Variants in NCOA2 observed in about 807,000 individuals in gnomAD.
The protein encoded by NCOA2 is class E basic helix-loop-helix protein 75.
In NCOA2, 21 loss-of-function variants were observed where a neutral mutation model predicts 145.1. The observed-to-expected ratio is 0.14, with a 90% CI of 0.10 to 0.21. The LOEUF (loss-of-function observed/expected upper bound fraction) is 0.21. Ranked by LOEUF, NCOA2 falls within the 10% of genes least tolerant of loss-of-function variation. The probability of loss-of-function intolerance (pLI) is 1.00; values close to 1 mark genes in which losing one functional copy is unlikely to be tolerated. For missense variants in NCOA2, 1,472 were observed against 1,837.6 expected (o/e 0.80, Z 3.64); for synonymous variants, 619 against 637.5 (o/e 0.97, Z 0.44).
At chr8:70,353,071 C>A (rs1412669005) in intron 1 of NCOA2, among the ~76,000 whole-genome samples, 2 of 151,858 alleles carry the variant, frequency 1.3e-5, no homozygotes, top group African/African-American at 4.8e-5. Context: ...GTTGTTAGAG[C>A]CAAACTATTA....
intron 1 of NCOA2, among the ~76,000 whole-genome samples, chr8:70,299,098 G>T (rs146983516): frequency 6.6e-6 from 1 of 152,050 alleles, no homozygotes; most frequent in African/African-American, 2.4e-5. Flanking sequence ...AAACCAGAAA[G>T]ATGTTTAGGA....
chr8:70,321,502 G>A (rs1685690098), intron 1 of NCOA2, among the ~76,000 whole-genome samples: 1 of 151,950 alleles, frequency 6.6e-6, no homozygotes, highest in African/African-American at 2.4e-5. Flanking sequence ...CCATAAGTAT[G>A]TAATTACAAA....
intron 12 of NCOA2, among the ~76,000 whole-genome samples, chr8:70,148,011 A>T (rs1811295954): frequency 1.3e-5 from 2 of 152,184 alleles, no homozygotes; most frequent in African/African-American, 2.4e-5. Context: ...GAAATATGAC[A>T]ATCAGTTGAA....
At chr8:70,159,244 T>TATATATATATATATATGTGTATATATA in intron 10 of NCOA2, among the ~76,000 whole-genome samples, 3 of 69,304 alleles carry the variant, frequency 4.3e-5, no homozygotes, top group Non-Finnish European at 8.7e-5. Context: ...ATATATATAT[T>TATATATATATATATATGTGTATATATA]TTTTTTTTTT....
intron 4 of NCOA2, among the ~76,000 whole-genome samples, chr8:70,195,208 G>C (rs1370908427): frequency 6.6e-6 from 1 of 152,224 alleles, no homozygotes. Flanking sequence ...ATATGTGACA[G>C]ACTTTGCTAG....
At chr8:70,317,136 T>C (rs968993886) in intron 1 of NCOA2, among the ~76,000 whole-genome samples, 5 of 152,204 alleles carry the variant, frequency 3.3e-5, no homozygotes, top group African/African-American at 1.2e-4. Context: ...TGAGTGGCTA[T>C]GATTGCAGAG....
At chr8:70,444,787 T>C in the NCOA2 span, among the ~76,000 whole-genome samples, 4 of 152,222 alleles carry the variant, frequency 2.6e-5, no homozygotes, top group African/African-American at 9.6e-5. Flanking sequence ...TTGAAAGCTT[T>C]CTTTGTGTGT....
At chr8:70,133,750 C>T (rs1344560069) in intron 15 of NCOA2, among the ~76,000 whole-genome samples, 2 of 152,216 alleles carry the variant, frequency 1.3e-5, no homozygotes, top group African/African-American at 4.8e-5. Context: ...TACCTATGAA[C>T]ACAGTTCAAT....
chr8:70,374,239 A>C (rs1387872007), intron 1 of NCOA2, among the ~76,000 whole-genome samples: 1 of 152,178 alleles, frequency 6.6e-6, no homozygotes, highest in African/African-American at 2.4e-5. Flanking sequence ...TAGAAGGCTG[A>C]GGTGGGCGGA....
chr8:70,131,061 G>C (rs1218979931), intron 16 of NCOA2, among the ~76,000 whole-genome samples: 1 of 152,198 alleles, frequency 6.6e-6, no homozygotes, highest in African/African-American at 2.4e-5. Flanking sequence ...ACTAAGATTA[G>C]TTAACTTTTT....
At chr8:70,437,834 T>C in the NCOA2 span, among the ~76,000 whole-genome samples, 6 of 152,320 alleles carry the variant, frequency 3.9e-5, no homozygotes, top group African/African-American at 1.2e-4. Flanking sequence ...CATTTGCTCA[T>C]GGATATTGTA....
chr8:70,202,635 G>A (rs774937617), intron 4 of NCOA2, among the ~76,000 whole-genome samples: 9 of 152,138 alleles, frequency 5.9e-5, no homozygotes, highest in Non-Finnish European at 1.0e-4. Flanking sequence ...TAAGGTATCC[G>A]AAGTAGTCAA....
intron 4 of NCOA2, among the ~76,000 whole-genome samples, chr8:70,183,003 T>C (rs1815658984): frequency 6.6e-6 from 1 of 152,170 alleles, no homozygotes. Flanking sequence ...TTCCCTGATA[T>C]GATAATGGTG....
chr8:70,184,213 A>G (rs1253429723), intron 4 of NCOA2, among the ~76,000 whole-genome samples: 1 of 152,196 alleles, frequency 6.6e-6, no homozygotes, highest in African/African-American at 2.4e-5. Flanking sequence ...GGCTTTCTCT[A>G]CACCTGAGCC....
chr8:70,152,533 T>A (rs909706047), intron 11 of NCOA2, among the ~76,000 whole-genome samples: 3 of 152,364 alleles, frequency 2.0e-5, no homozygotes, highest in East Asian at 1.9e-4. Context: ...AAATTCTTTT[T>A]AGACTATTTC....
At chr8:70,153,954 T>C (rs773737663) in intron 11 of NCOA2, among the ~76,000 whole-genome samples, 2 of 152,214 alleles carry the variant, frequency 1.3e-5, no homozygotes, top group African/African-American at 2.4e-5. Context: ...CCTTTAGGAA[T>C]GGTAGCAGCT....
chr8:70,292,401 G>C (rs1826764812), intron 2 of NCOA2, among the ~76,000 whole-genome samples: 5 of 151,890 alleles, frequency 3.3e-5, no homozygotes, highest in Admixed American at 3.3e-4. Context: ...TCTGCCGCCT[G>C]GGAATCCCAA....
intron 3 of NCOA2, among the ~76,000 whole-genome samples, chr8:70,214,278 A>T (rs1403713926): frequency 6.6e-6 from 1 of 152,192 alleles, no homozygotes; most frequent in Non-Finnish European, 1.5e-5. Context: ...GTTTGTAATG[A>T]AACTATCTGT....
intron 4 of NCOA2, among the ~76,000 whole-genome samples, chr8:70,211,024 G>A (rs1818958897): frequency 6.6e-6 from 1 of 152,206 alleles, no homozygotes; most frequent in South Asian, 2.1e-4. Flanking sequence ...GACAGAGTTA[G>A]AGAGAAAGGC....
Sources: gnomAD v4.1 joint callset for allele counts (sites outside exome capture counted in the v4.1 genomes callset) on GRCh38, gnomAD v4.1.1 for gene constraint, MANE v1.5 for transcripts, NCBI Gene and HGNC (gene_info 2026-07-23, HGNC 2026-07-21) for gene names.